Variants in GSTCD observed in about 807,000 individuals in gnomAD.
GSTCD encodes the protein glutathione S-transferase C-terminal domain containing, also known as glutathione S-transferase C-terminal domain-containing protein.
In GSTCD, 44 loss-of-function variants were observed where a neutral mutation model predicts 68.3. The ratio of observed to expected loss-of-function variants is 0.64; its 90% CI spans 0.51 to 0.83. GSTCD has a LOEUF of 0.83. GSTCD is among the 40% of genes least tolerant of loss of function. GSTCD has a pLI of 0.00. For missense variants in GSTCD, 739 were observed against 735.9 expected, an observed-to-expected ratio of 1.00 and a Z score of -0.05; for synonymous variants, 273 against 255.2, an observed-to-expected ratio of 1.07 and a Z score of -0.67.
chr4:105,719,309 A>G lies in GSTCD; in HGVS notation c.676A>G (p.Thr226Ala), dbSNP rs1471955154. 2 of 1,614,146 alleles carry G rather than the reference A, an allele frequency of 1.2e-6. No homozygotes were observed. Among genetic ancestry groups the G allele is most frequent in the East Asian group, 2.2e-5 (1 of 44,880 alleles). The change falls in exon 3 of 12, where the codon ACA (threonine) becomes GCA (alanine). Residue 226 changes from threonine (T) to alanine (A), a missense_variant. Transcript: ENST00000515279. ...AAAGAGCAAGGTCCACACACAGGAA[A>G]CATCTGAAGGGTTGGATTCTTCATC... ...KAKSKVHTQE[T>A]SEGLDSSSKS...
chr4:105,753,062 CTT>C (rs1232828115), intron 5 of GSTCD, among the ~76,000 whole-genome samples: 2 of 152,010 alleles, frequency 1.3e-5, no homozygotes, highest in Non-Finnish European at 2.9e-5. Flanking sequence ...CAAGATAAGA[CTT>C]TTCCTAAGCA....
At chr4:105,788,355 AG>A (rs1735542326) in intron 5 of GSTCD, among the ~76,000 whole-genome samples, 1 of 152,074 alleles carries the variant, frequency 6.6e-6, no homozygotes, top group African/African-American at 2.4e-5. Context: ...AAAGTCACAA[AG>A]TTAAAAAATG....
At chr4:105,818,228 T>C (rs1297057784) in intron 5 of GSTCD, among the ~76,000 whole-genome samples, 1 of 151,848 alleles carries the variant, frequency 6.6e-6, no homozygotes, top group Non-Finnish European at 1.5e-5. Context: ...TATAAAAGAT[T>C]TGTTATTTTG....
chr4:105,839,983 T>C (rs1371997541), intron 10 of GSTCD, among the ~76,000 whole-genome samples: 1 of 152,198 alleles, frequency 6.6e-6, no homozygotes, highest in Admixed American at 6.5e-5. Flanking sequence ...CTTGGCCTTT[T>C]GAAGGCCTCA....
chr4:105,804,681 T>C (rs1182043630), intron 5 of GSTCD, among the ~76,000 whole-genome samples: 1 of 152,122 alleles, frequency 6.6e-6, no homozygotes, highest in Non-Finnish European at 1.5e-5. Flanking sequence ...ATGTGCAGTA[T>C]ACGCAGGTTT....
chr4:105,717,888 C>T lies in GSTCD; in HGVS notation c.275C>T (p.Ala92Val). The change falls in exon 2 of 12, where the codon GCA (alanine) becomes GTA (valine). Residue 92 changes from alanine (A) to valine (V), a missense_variant. Ala to Val is a moderately conservative substitution (Grantham distance 64, BLOSUM62 0). Coordinates refer to ENST00000515279, the MANE Select transcript of GSTCD (RefSeq NM_001370181.1). ...ATAGTCCAAAATTGCTGTTTGCCTG[C>T]AGTAGTAGAACGATCAGACAATTTT... ...PPIVQNCCLP[A>V]VVERSDNFCR... is the part of the protein sequence containing the mutation. The T allele has an allele frequency of 6.2e-7, 1 of 1,614,082 alleles. No individual in the cohort carries two copies. Among genetic ancestry groups the T allele is most frequent in the South Asian group, 1.1e-5 (1 of 91,084 alleles).
intron 5 of GSTCD, among the ~76,000 whole-genome samples, chr4:105,818,526 C>T (rs1043914536): frequency 6.6e-6 from 1 of 151,606 alleles, no homozygotes; most frequent in African/African-American, 2.4e-5. Context: ...TAATCAGAGC[C>T]CAGATCATTT....
intron 5 of GSTCD, among the ~76,000 whole-genome samples, chr4:105,767,642 C>G (rs1029364464): frequency 2.0e-5 from 3 of 152,100 alleles, no homozygotes; most frequent in Non-Finnish European, 4.4e-5. Context: ...TCTAAGAAGA[C>G]AGAAAACCGT....
intron 5 of GSTCD, among the ~76,000 whole-genome samples, chr4:105,752,598 T>C (rs1042128031): frequency 6.6e-6 from 1 of 152,068 alleles, no homozygotes; most frequent in Non-Finnish European, 1.5e-5. Flanking sequence ...TTTGTGTCTA[T>C]AGGAAATGAA....
intron 5 of GSTCD, among the ~76,000 whole-genome samples, chr4:105,760,167 C>A (rs1266526261): frequency 4.3e-4 from 59 of 135,840 alleles, no homozygotes; most frequent in African/African-American, 7.2e-4. Context: ...AAAAAATAGG[C>A]AAAAAAAAAA....
chr4:105,746,813 A>C (rs1444573897), intron 5 of GSTCD, among the ~76,000 whole-genome samples: 1 of 152,230 alleles, frequency 6.6e-6, no homozygotes, highest in Non-Finnish European at 1.5e-5. Flanking sequence ...GAAAAGAATG[A>C]ACTGACCCTT....
At chr4:105,788,465 A>G (rs961855809) in intron 5 of GSTCD, among the ~76,000 whole-genome samples, 15 of 152,116 alleles carry the variant, frequency 9.9e-5, no homozygotes, top group Admixed American at 8.5e-4. Flanking sequence ...TGGAAAGAAC[A>G]TTAGATTTGT....
At chr4:105,757,448 G>A (rs147254129) in intron 5 of GSTCD, among the ~76,000 whole-genome samples, 49 of 152,194 alleles carry the variant, frequency 3.2e-4, no homozygotes, top group African/African-American at 1.2e-3. Flanking sequence ...ATGTTCCTGT[G>A]GGTGGAGACT....
chr4:105,711,349 C>T (rs1252000400), intron 1 of GSTCD, among the ~76,000 whole-genome samples: 1 of 152,168 alleles, frequency 6.6e-6, no homozygotes, highest in Non-Finnish European at 1.5e-5. Context: ...AAGGGTTTCA[C>T]GTTTATATTT....
chr4:105,774,279 C>T (rs1028970016), intron 5 of GSTCD, among the ~76,000 whole-genome samples: 3 of 152,170 alleles, frequency 2.0e-5, no homozygotes, highest in Non-Finnish European at 4.4e-5. Flanking sequence ...TTGAATAGAG[C>T]ACACTGATGG....
intron 5 of GSTCD, among the ~76,000 whole-genome samples, chr4:105,795,566 G>A (rs1438771850): frequency 6.6e-6 from 1 of 151,980 alleles, no homozygotes; most frequent in African/African-American, 2.4e-5. Context: ...GTGCATGTGT[G>A]TATCTATTCA....
chr4:105,713,703 A>G (rs1233385689), intron 1 of GSTCD, among the ~76,000 whole-genome samples: 1 of 152,120 alleles, frequency 6.6e-6, no homozygotes, highest in Non-Finnish European at 1.5e-5. Flanking sequence ...TTAAAACTTT[A>G]TTTACCTAAC....
intron 5 of GSTCD, among the ~76,000 whole-genome samples, chr4:105,760,845 T>G (rs1163592503): frequency 6.6e-6 from 1 of 152,118 alleles, no homozygotes; most frequent in Non-Finnish European, 1.5e-5. Flanking sequence ...AAATCTATTT[T>G]TTTAAATAAT....
chr4:105,711,888 T>A (rs72671836), intron 1 of GSTCD, among the ~76,000 whole-genome samples: 8,155 of 152,312 alleles, frequency 0.054, 250 homozygotes, highest in Middle Eastern at 0.14. Flanking sequence ...CATAAAAACT[T>A]CTGTGCTTGC....
Sources: allele counts gnomAD v4.1 joint callset (sites outside exome capture counted in the v4.1 genomes callset), GRCh38; gene constraint gnomAD v4.1.1; transcripts MANE v1.5; gene names NCBI Gene and HGNC (gene_info 2026-07-23, HGNC 2026-07-21).